The following MTCL3 variants were observed in gnomAD, a reference collection of about 807,000 sequenced individuals.
MTCL3 encodes the protein MTCL family member 3, also known as microtubule cross-linking factor 3.
the MTCL3 span, among the ~76,000 whole-genome samples, chr6:127,481,993 C>A: frequency 6.6e-6 from 1 of 152,202 alleles, no homozygotes; most frequent in Non-Finnish European, 1.5e-5. Flanking sequence ...TGACAGTTTA[C>A]AAATGCCATG....
At chr6:127,514,879 C>T in the MTCL3 span, 2 of 1,614,096 alleles carry the variant, frequency 1.2e-6, no homozygotes, top group Admixed American at 1.7e-5. Flanking sequence ...CCGGTCTGGG[C>T]GTAGCGGAGC....
At chr6:127,516,768 A>G in the MTCL3 span, 1 of 1,314,780 alleles carries the variant, frequency 7.6e-7, no homozygotes, top group South Asian at 1.5e-5. Flanking sequence ...AAAGGGTGAT[A>G]TTGCTCCATT....
chr6:127,477,716 G>T, the MTCL3 span, among the ~76,000 whole-genome samples: 3 of 152,152 alleles, frequency 2.0e-5, no homozygotes, highest in African/African-American at 7.2e-5. Context: ...GGAATATGAA[G>T]AATATGAAGG....
At chr6:127,494,940 G>C in the MTCL3 span, among the ~76,000 whole-genome samples, 1 of 152,148 alleles carries the variant, frequency 6.6e-6, no homozygotes, top group African/African-American at 2.4e-5. Flanking sequence ...GCTCACACCT[G>C]TAATCCCAGC....
chr6:127,488,595 A>G, the MTCL3 span, among the ~76,000 whole-genome samples: 1 of 152,224 alleles, frequency 6.6e-6, no homozygotes, highest in Non-Finnish European at 1.5e-5. Context: ...TCAATAAATG[A>G]TAACAGGTAA....
chr6:127,517,322 T>C, the MTCL3 span, among the ~76,000 whole-genome samples: 2 of 152,158 alleles, frequency 1.3e-5, no homozygotes, highest in Non-Finnish European at 2.9e-5. Context: ...AAAGAAAATA[T>C]AAATAATGAA....
the MTCL3 span, among the ~76,000 whole-genome samples, chr6:127,511,684 T>C: frequency 0.059 from 9,034 of 152,292 alleles, 355 homozygotes; most frequent in Middle Eastern, 0.11. Context: ...TCCTAGCTAG[T>C]AGCCAAGGAT....
the MTCL3 span, among the ~76,000 whole-genome samples, chr6:127,493,868 A>T: frequency 6.6e-6 from 1 of 152,190 alleles, no homozygotes; most frequent in African/African-American, 2.4e-5. Flanking sequence ...TAGTTCCTCT[A>T]TTCTTTTCCC....
At chr6:127,495,616 G>A in the MTCL3 span, among the ~76,000 whole-genome samples, 2 of 152,150 alleles carry the variant, frequency 1.3e-5, no homozygotes, top group Admixed American at 6.5e-5. Flanking sequence ...CATTACATGA[G>A]TGTTTTAAAA....
At chr6:127,488,475 AGAAATATACCT>A in the MTCL3 span, among the ~76,000 whole-genome samples, 1 of 152,214 alleles carries the variant, frequency 6.6e-6, no homozygotes, top group Non-Finnish European at 1.5e-5. Context: ...TCCTGCTCTT[AGAAATATACCT>A]GACACAAAGT....
chr6:127,479,448 G>A, the MTCL3 span, among the ~76,000 whole-genome samples: 2 of 152,238 alleles, frequency 1.3e-5, no homozygotes, highest in Non-Finnish European at 2.9e-5. Flanking sequence ...CATATGTGGT[G>A]GAAGTCCTTG....
At chr6:127,477,480 C>T in the MTCL3 span, among the ~76,000 whole-genome samples, 639 of 152,250 alleles carry the variant, frequency 4.2e-3, 4 homozygotes, top group Middle Eastern at 0.01. Context: ...CTTCTGTGAA[C>T]TTTGGTTTCT....
At chr6:127,509,461 T>C in the MTCL3 span, among the ~76,000 whole-genome samples, 14 of 152,344 alleles carry the variant, frequency 9.2e-5, 1 homozygote, top group African/African-American at 3.4e-4. Context: ...AGATGGTCTA[T>C]TGGTCCCAGC....
the MTCL3 span, chr6:127,475,508 T>G: frequency 1.2e-6 from 2 of 1,613,420 alleles, no homozygotes; most frequent in East Asian, 2.2e-5. This position sits in a 1 kb window ranked among gnomAD's most constrained non-coding sequence, Gnocchi z 7.3. Context: ...GCCTCGGTGA[T>G]GATGGTGCTC....
At chr6:127,504,316 G>A in the MTCL3 span, among the ~76,000 whole-genome samples, 1 of 152,200 alleles carries the variant, frequency 6.6e-6, no homozygotes, top group African/African-American at 2.4e-5. Flanking sequence ...CAACCTGTAT[G>A]AGGCTCTTTC....
chr6:127,487,760 T>C, the MTCL3 span, among the ~76,000 whole-genome samples: 3 of 152,162 alleles, frequency 2.0e-5, no homozygotes, highest in Non-Finnish European at 4.4e-5. Flanking sequence ...GCCAGGGTGA[T>C]CAAGCTGTAT....
At chr6:127,517,300 A>G in the MTCL3 span, among the ~76,000 whole-genome samples, 1 of 152,224 alleles carries the variant, frequency 6.6e-6, no homozygotes, top group African/African-American at 2.4e-5. Flanking sequence ...AACTTCCTTT[A>G]TAATAGAACT....
chr6:127,482,787 G>T, the MTCL3 span: 1 of 615,918 alleles, frequency 1.6e-6, no homozygotes, highest in South Asian at 2.9e-5. The surrounding 1 kb of genome is among the most constrained non-coding windows in gnomAD (Gnocchi z 4.1). Context: ...CTACATAATT[G>T]ATATGCAAAT....
the MTCL3 span, chr6:127,514,885 G>A: frequency 6.2e-7 from 1 of 1,614,128 alleles, no homozygotes; most frequent in Non-Finnish European, 8.5e-7. Context: ...TGGGCGTAGC[G>A]GAGCCTTTTG....
Sources: gnomAD v4.1 joint callset for allele counts (sites outside exome capture counted in the v4.1 genomes callset) on GRCh38, gnomAD v4.1.1 for gene constraint, Gnocchi (gnomAD v3.1) non-coding constraint, MANE v1.5 for transcripts, NCBI Gene and HGNC (gene_info 2026-07-23, HGNC 2026-07-21) for gene names.